CTTNBP2NL: variants seen among roughly 807,000 people sequenced by gnomAD.
CTTNBP2NL encodes the protein CTTNBP2 N-terminal like, also known as CTTNBP2 N-terminal-like protein.
A neutral mutation model predicts 32.5 loss-of-function variants in CTTNBP2NL; 16 were observed. The ratio of observed to expected loss-of-function variants is 0.49; its 90% CI spans 0.33 to 0.75. The LOEUF (loss-of-function observed/expected upper bound fraction) is 0.75, where lower values mean the gene tolerates loss of function less well. CTTNBP2NL is among the 30% of genes least tolerant of loss of function. The pLI is 0.02. For synonymous variants in CTTNBP2NL, 298 were observed against 289.4 expected (o/e 1.03, Z -0.30); for missense variants, 645 against 756.0 (o/e 0.85, Z 1.72).
intron 3 of CTTNBP2NL, among the ~76,000 whole-genome samples, chr1:112,446,218 T>C (rs1650032942): frequency 7.0e-6 from 1 of 142,772 alleles, no homozygotes; most frequent in Non-Finnish European, 1.5e-5. Flanking sequence ...AAAAACAACA[T>C]AGCTGGGTGA....
intron 2 of CTTNBP2NL, 130 bp downstream of exon 2, chr1:112,412,447 A>AT (rs1180602900): frequency 1.3e-5 from 2 of 152,174 alleles, no homozygotes; most frequent in Non-Finnish European, 2.9e-5. Context: ...ATTCAAATGC[A>AT]TAGAACAGAA....
chr1:112,413,048 T>C (rs1317367190), intron 2 of CTTNBP2NL, among the ~76,000 whole-genome samples: 1 of 152,228 alleles, frequency 6.6e-6, no homozygotes, highest in Non-Finnish European at 1.5e-5. Flanking sequence ...TTTTCTTGCC[T>C]AGGCTGGACT....
intron 3 of CTTNBP2NL, among the ~76,000 whole-genome samples, chr1:112,426,798 G>A (rs1456850329): frequency 1.3e-5 from 2 of 151,802 alleles, no homozygotes; most frequent in Non-Finnish European, 2.9e-5. Flanking sequence ...TATAGACAAG[G>A]TTTCACCATA....
chr1:112,451,146 T>C lies in CTTNBP2NL; in HGVS notation c.330+1974T>C, dbSNP rs150000947. On this transcript the variant is annotated intron_variant, in intron 4 of 5. Coordinates refer to ENST00000271277, the MANE Select transcript of CTTNBP2NL (RefSeq NM_018704.3). ...AGTTTTTTCTTTTAGCCATTCACTT[T>C]GGTAGCTAACCTCCATATTTCTAAA... Among the ~76,000 whole-genome samples, 960 of 152,194 alleles carry C rather than the reference T, an allele frequency of 6.3e-3. 9 individuals are homozygous for C. Among genetic ancestry groups the C allele is most frequent in the African/African-American group, 0.022 (902 of 41,544 alleles).
intron 1 of CTTNBP2NL, among the ~76,000 whole-genome samples, chr1:112,405,871 G>A (rs1302280334): frequency 6.6e-6 from 1 of 152,066 alleles, no homozygotes; most frequent in Non-Finnish European, 1.5e-5. Context: ...CCCAGAAAGC[G>A]AATTAAACTG....
Position 112,406,549 on chromosome 1 carries a change from A to T in CTTNBP2NL, c.-133-5645A>T, listed in dbSNP as rs528887524. The stretch of plus-strand genomic sequence containing the variant: ...GATGATAATGATGAATTTGTTGGGG[A>T]TGGTTATAGCATATCACCTAAGGTT... On this transcript the variant is annotated intron_variant, in intron 1 of 5. Transcript: ENST00000271277. Among the ~76,000 whole-genome samples the T allele has an allele frequency of 3.9e-5, 6 of 152,292 alleles. No homozygotes were observed. The South Asian group carries it at 1.2e-3, about 32-fold the overall frequency.
chr1:112,419,219 T>C (rs1465814163), intron 3 of CTTNBP2NL, among the ~76,000 whole-genome samples: 1 of 152,160 alleles, frequency 6.6e-6, no homozygotes, highest in Admixed American at 6.5e-5. Flanking sequence ...GCAAAAATGT[T>C]GTAGACATGA....
intron 3 of CTTNBP2NL, among the ~76,000 whole-genome samples, chr1:112,417,080 A>G (rs1218991668): frequency 6.6e-6 from 1 of 152,114 alleles, no homozygotes. Flanking sequence ...CTTCATAATT[A>G]GGATAGGAGT....
intron 3 of CTTNBP2NL, among the ~76,000 whole-genome samples, chr1:112,448,737 A>G (rs551885767): frequency 1.4e-4 from 21 of 152,224 alleles, no homozygotes; most frequent in Non-Finnish European, 2.5e-4. Context: ...TGTCTAATAC[A>G]TAGTGCTTTA....
At chr1:112,412,502 AT>A (rs1206337352) in intron 2 of CTTNBP2NL, among the ~76,000 whole-genome samples, 185 bp downstream of exon 2, 4 of 151,530 alleles carry the variant, frequency 2.6e-5, no homozygotes, top group Non-Finnish European at 4.4e-5. Flanking sequence ...TTATTGGAAT[AT>A]GCAAAAACAG....
upstream of CTTNBP2NL, among the ~76,000 whole-genome samples, chr1:112,392,699 G>A (rs957984211): frequency 6.6e-6 from 1 of 152,242 alleles, no homozygotes; most frequent in Middle Eastern, 3.4e-3. Flanking sequence ...GAGACATAGA[G>A]AGAAGGCCAT....
At chr1:112,407,343 T>C (rs891412760) in intron 1 of CTTNBP2NL, among the ~76,000 whole-genome samples, 1 of 152,176 alleles carries the variant, frequency 6.6e-6, no homozygotes, top group African/African-American at 2.4e-5. Flanking sequence ...AAATAGAAAT[T>C]TATTTTTTCA....
At chr1:112,429,268 T>C (rs1041751623) in intron 3 of CTTNBP2NL, among the ~76,000 whole-genome samples, 1 of 152,264 alleles carries the variant, frequency 6.6e-6, no homozygotes, top group African/African-American at 2.4e-5. Context: ...TTAAAAACTG[T>C]ACCTGTAAAG....
upstream of CTTNBP2NL, among the ~76,000 whole-genome samples, chr1:112,394,366 C>T (rs1181403834): frequency 1.3e-5 from 2 of 152,068 alleles, no homozygotes; most frequent in Non-Finnish European, 1.5e-5. Flanking sequence ...ATAGGCAGAG[C>T]GAAAGGGAGG....
intron 3 of CTTNBP2NL, among the ~76,000 whole-genome samples, chr1:112,428,409 AAATTCTTCTT>A: frequency 6.6e-6 from 1 of 152,170 alleles, no homozygotes; most frequent in Non-Finnish European, 1.5e-5. Context: ...ACCTACAGTT[AAATTCTTCTT>A]TTTTGGTTGT....
chr1:112,427,722 C>T (rs1175605756), intron 3 of CTTNBP2NL, among the ~76,000 whole-genome samples: 1 of 151,892 alleles, frequency 6.6e-6, no homozygotes, highest in East Asian at 1.9e-4. Context: ...GGTGAAACCC[C>T]GTCTCTATTA....
At chr1:112,400,287 A>G (rs1648458879) in intron 1 of CTTNBP2NL, among the ~76,000 whole-genome samples, 1 of 152,186 alleles carries the variant, frequency 6.6e-6, no homozygotes, top group South Asian at 2.1e-4. Flanking sequence ...AGGGCAAGAG[A>G]AAAATTTTCT....
chr1:112,454,187 T>C (rs1386874441), intron 4 of CTTNBP2NL, among the ~76,000 whole-genome samples: 1 of 152,176 alleles, frequency 6.6e-6, no homozygotes, highest in Non-Finnish European at 1.5e-5. Context: ...TCTAGCTAAT[T>C]AGTTGCTCTC....
chr1:112,431,121 G>A (rs1649558502), intron 3 of CTTNBP2NL, among the ~76,000 whole-genome samples: 1 of 152,192 alleles, frequency 6.6e-6, no homozygotes, highest in Non-Finnish European at 1.5e-5. Flanking sequence ...TACCTATTTA[G>A]AGAACATACA....
Sources: gnomAD v4.1 joint callset for allele counts (sites outside exome capture counted in the v4.1 genomes callset) on GRCh38, gnomAD v4.1.1 for gene constraint, MANE v1.5 for transcripts, NCBI Gene and HGNC (gene_info 2026-07-23, HGNC 2026-07-21) for gene names.